CASZ1: variants seen among roughly 807,000 people sequenced by gnomAD.
CASZ1 encodes the protein castor zinc finger 1.
A neutral mutation model predicts 135.2 loss-of-function variants in CASZ1; 28 were observed. The observed-to-expected ratio is 0.21, with a 90% CI of 0.15 to 0.28. The LOEUF is 0.28. CASZ1 is among the 10% of genes least tolerant of loss of function. The pLI is 1.00. For synonymous variants in CASZ1, 1,068 were observed against 1,073.4 expected (o/e 0.99, Z 0.10); for missense variants, 2,161 against 2,453.3 (o/e 0.88, Z 2.52).
intron 1 of CASZ1, among the ~76,000 whole-genome samples, chr1:10,773,348 C>T (rs1640607217): frequency 6.8e-6 from 1 of 146,374 alleles, no homozygotes; most frequent in Non-Finnish European, 1.5e-5. Context: ...CGGCTACGGG[C>T]AGGTAGAGAC....
In CASZ1 at chr1:10,693,869, G is replaced by C; in HGVS notation, c.16+5C>G. On this transcript the variant is annotated splice_donor_5th_base_variant and intron_variant, in intron 4 of 20. Coordinates refer to ENST00000377022, the MANE Select transcript of CASZ1 (RefSeq NM_001079843.3). The stretch of plus-strand genomic sequence containing the variant: ...AGCCGCCCCTGCGTTCCCACCGGCC[G>C]GTACCTGTTCCAAGATCCATTCTCT... 1 of 1,611,308 alleles carries C rather than the reference G, an allele frequency of 6.2e-7. No individual in the cohort carries two copies. The highest frequency in any genetic ancestry group is 8.5e-7 in the Non-Finnish European group (1 of 1,178,200).
rs559860907 is a variant in CASZ1, at chr1:10,697,590, A to ACCCCCCCCCC, written c.-23-3679_-23-3678insGGGGGGGGGG. ...CACACTGCTATCGCTGGTTCCTGTT[A>ACCCCCCCCCC]CCCCCCCCGCACCCCCAAGTTGCCC... On this transcript the variant is annotated intron_variant, in intron 3 of 20. Transcript: ENST00000377022. This position sits in a 1 kb window ranked among gnomAD's most constrained non-coding sequence, Gnocchi z 4.7. 7.0e-6 allele frequency among the ~76,000 whole-genome samples: 1 copy of ACCCCCCCCCC among 143,190 alleles called. No individual in the cohort carries two copies. Among genetic ancestry groups the ACCCCCCCCCC allele is most frequent in the African/African-American group, 2.6e-5 (1 of 38,026 alleles). The allele number at this position is 143,190 out of a possible 152,430, so 93.9% of individuals were successfully genotyped here.
At chr1:10,781,540 T>C (rs1250439414) in intron 1 of CASZ1, among the ~76,000 whole-genome samples, 1 of 152,178 alleles carries the variant, frequency 6.6e-6, no homozygotes, top group Non-Finnish European at 1.5e-5. Flanking sequence ...CCTCGAGGGC[T>C]CTGTACTGGG....
At chr1:10,644,036 G>T (rs955956925) in intron 18 of CASZ1, among the ~76,000 whole-genome samples, 1 of 152,366 alleles carries the variant, frequency 6.6e-6, no homozygotes, top group Admixed American at 6.5e-5. Context: ...TGAAGGCAAG[G>T]TTTGTTTCCT....
chr1:10,696,497 A>T (rs1453160550), intron 3 of CASZ1, among the ~76,000 whole-genome samples: 1 of 152,238 alleles, frequency 6.6e-6, no homozygotes, highest in Non-Finnish European at 1.5e-5. Context: ...CAGAGAGGGC[A>T]TCTGTGTCCA....
chr1:10,672,822 C>T (rs1643450227), intron 4 of CASZ1, among the ~76,000 whole-genome samples: 1 of 152,242 alleles, frequency 6.6e-6, no homozygotes, highest in Non-Finnish European at 1.5e-5. Flanking sequence ...CTGCGAGAGA[C>T]ACACTCATCA....
intron 15 of CASZ1, 135 bp from the exon 16 acceptor site, chr1:10,648,274 CCT>C (rs903597814): frequency 3.1e-6 from 2 of 650,858 alleles, no homozygotes; most frequent in Admixed American, 3.2e-5. Context: ...CCAGAAGTCC[CCT>C]GTGACCCCAC....
At chr1:10,771,176 C>T (rs1274120217) in intron 1 of CASZ1, among the ~76,000 whole-genome samples, 3 of 151,018 alleles carry the variant, frequency 2.0e-5, no homozygotes, top group South Asian at 4.2e-4. Flanking sequence ...GGGTGCGGGA[C>T]AGGGAGCAAC....
In CASZ1 at chr1:10,747,563, GAGA is replaced by G. The variant is rs1014530571; in HGVS notation, c.-77+13135_-77+13137del. Among the ~76,000 whole-genome samples the G allele has an allele frequency of 6.6e-6, 1 of 152,184 alleles. No homozygotes were observed. Among genetic ancestry groups the G allele is most frequent in the Non-Finnish European group, 1.5e-5 (1 of 68,046 alleles). Reference sequence around the variant, plus strand: ...CCTGTCCCGGGCTTTGCAGAGTGGGGAGAAGGTGAGGTGGGCTCAGGGTCCCTA... The same window carrying G: ...CCTGTCCCGGGCTTTGCAGAGTGGGGAGGTGAGGTGGGCTCAGGGTCCCTA... On this transcript the variant is annotated intron_variant, in intron 2 of 20. Transcript: ENST00000377022. The surrounding 1 kb of genome is among the most constrained non-coding windows in gnomAD (Gnocchi z 4.3).
Position 10,777,853 on chromosome 1 carries a change from A to C in CASZ1, c.-233-16996T>G, listed in dbSNP as rs1488420382. ...ACCACACACAATCTCACACACTCTCATATACAATGACTCACGATCTCACAC... is the reference window on the plus strand; with the variant it reads ...ACCACACACAATCTCACACACTCTCCTATACAATGACTCACGATCTCACAC... On this transcript the variant is annotated intron_variant, in intron 1 of 20. Coordinates refer to ENST00000377022, the MANE Select transcript of CASZ1 (RefSeq NM_001079843.3). This position sits in a 1 kb window ranked among gnomAD's most constrained non-coding sequence, Gnocchi z 4.4. Among the ~76,000 whole-genome samples the C allele has an allele frequency of 6.6e-6, 1 of 151,862 alleles. No homozygotes were observed. The highest frequency in any genetic ancestry group is 2.4e-5 in the African/African-American group (1 of 41,320).
chr1:10,662,045 T>G (rs1212591261), intron 5 of CASZ1, among the ~76,000 whole-genome samples: 7 of 141,746 alleles, frequency 4.9e-5, no homozygotes, highest in Admixed American at 4.2e-4. Context: ...CACACCCACA[T>G]TCTCACAATC....
rs746440722 is a variant in CASZ1, at chr1:10,653,108, G to T, written c.2680+269C>A. ...ACCTGCAGTGGCCCCAGGGATGCAG[G>T]GCAGCCGAGGAGGCAGGGACCATCG... is the stretch of plus-strand genomic sequence containing the variant. On this transcript the variant is annotated intron_variant, in intron 11 of 20. Transcript: ENST00000377022. The T allele has an allele frequency of 1.1e-4, 60 of 524,642 alleles. No homozygotes were observed. The Middle Eastern group carries it at 1.4e-3, about 12-fold the overall frequency. The allele number at this position is 524,642 out of a possible 1,614,324, so 32.5% of individuals were successfully genotyped here.
At chr1:10,642,702 G>A (rs1489511251) in intron 20 of CASZ1, among the ~76,000 whole-genome samples, 157 bp downstream of exon 20, 1 of 152,220 alleles carries the variant, frequency 6.6e-6, no homozygotes, top group African/African-American at 2.4e-5. Context: ...GAGGGGCCTC[G>A]ATGACCCAGT....
At chr1:10,769,994 G>A (rs1640546820) in intron 1 of CASZ1, among the ~76,000 whole-genome samples, 1 of 152,194 alleles carries the variant, frequency 6.6e-6, no homozygotes, top group African/African-American at 2.4e-5. Context: ...ACTGCTGGGT[G>A]GAAAACCAGG....
chr1:10,712,734 G>A (rs1354264853), intron 2 of CASZ1, among the ~76,000 whole-genome samples: 1 of 152,222 alleles, frequency 6.6e-6, no homozygotes, highest in African/African-American at 2.4e-5. Flanking sequence ...CCGCTCAAGT[G>A]CCTGTGATTC....
rs1639071308 is a variant in CASZ1, at chr1:10,701,985, G to T, written c.-24+3507C>A. ...TCTTGGGCTTCCGGCCCCGCTGCCT[G>T]GGCGGCGTCTGTCTTCCTTTGCGGA... is the stretch of plus-strand genomic sequence containing the variant. On this transcript the variant is annotated intron_variant, in intron 3 of 20. Coordinates refer to ENST00000377022, the MANE Select transcript of CASZ1 (RefSeq NM_001079843.3). This position sits in a 1 kb window ranked among gnomAD's most constrained non-coding sequence, Gnocchi z 6.3. 6.6e-6 allele frequency among the ~76,000 whole-genome samples: 1 copy of T among 152,236 alleles called. No homozygotes were observed. Among genetic ancestry groups the T allele is most frequent in the Admixed American group, 6.5e-5 (1 of 15,288 alleles).
Position 10,711,646 on chromosome 1 carries a change from A to G in CASZ1, c.-76-6102T>C, listed in dbSNP as rs1416217099. 1.3e-5 allele frequency among the ~76,000 whole-genome samples: 2 copies of G among 152,192 alleles called. No homozygotes were observed. Among genetic ancestry groups the G allele is most frequent in the Admixed American group, 1.3e-4 (2 of 15,282 alleles). ...GTGCATGAATGTTCATAGCAGCACT[A>G]TTCACAGTAGTCAGATGGTAGATAC... On this transcript the variant is annotated intron_variant, in intron 2 of 20. Transcript: ENST00000377022. The surrounding 1 kb of genome is among the most constrained non-coding windows in gnomAD (Gnocchi z 4.4).
chr1:10,664,109 G>A (rs867349356), intron 5 of CASZ1, among the ~76,000 whole-genome samples: 4 of 152,224 alleles, frequency 2.6e-5, no homozygotes, highest in Admixed American at 1.3e-4. Flanking sequence ...CTGATGTGGC[G>A]AAGGATAATT....
At chr1:10,778,858 G>A (rs767465446) in intron 1 of CASZ1, among the ~76,000 whole-genome samples, 10 of 152,128 alleles carry the variant, frequency 6.6e-5, no homozygotes, top group Non-Finnish European at 1.5e-4. Flanking sequence ...CCAGGGACCC[G>A]CCTGGAGGTC....
Sources: gnomAD v4.1 joint callset for allele counts (sites outside exome capture counted in the v4.1 genomes callset) on GRCh38, gnomAD v4.1.1 for gene constraint, Gnocchi (gnomAD v3.1) non-coding constraint, MANE v1.5 for transcripts, NCBI Gene and HGNC (gene_info 2026-07-23, HGNC 2026-07-21) for gene names.